The following FSTL4 variants were observed in gnomAD, a reference collection of about 807,000 sequenced individuals.
The protein encoded by FSTL4 is follistatin-related protein 4.
In FSTL4, 28 loss-of-function variants were observed where a neutral mutation model predicts 78.2. The observed-to-expected ratio is 0.36, with a 90% CI of 0.27 to 0.49. The LOEUF (loss-of-function observed/expected upper bound fraction) is 0.49. FSTL4 is among the 20% of genes least tolerant of loss of function. The probability of loss-of-function intolerance (pLI) is 0.98; values close to 1 mark genes in which losing one functional copy is unlikely to be tolerated. For synonymous variants in FSTL4, 422 were observed against 440.5 expected, an observed-to-expected ratio of 0.96 and a Z score of 0.53; for missense variants, 922 against 1,084.9, an observed-to-expected ratio of 0.85 and a Z score of 2.11.
the FSTL4 span, among the ~76,000 whole-genome samples, chr5:133,642,520 C>T: frequency 1.3e-5 from 2 of 152,172 alleles, no homozygotes; most frequent in African/African-American, 4.8e-5. Flanking sequence ...GATACATGAT[C>T]CTTAACTTTT....
the FSTL4 span, among the ~76,000 whole-genome samples, chr5:133,701,304 G>A: frequency 6.6e-6 from 1 of 151,802 alleles, no homozygotes; most frequent in Non-Finnish European, 1.5e-5. Flanking sequence ...TCCAGTGGCT[G>A]GGGCAGGAGA....
chr5:133,290,049 C>G (rs1308475968), intron 6 of FSTL4, among the ~76,000 whole-genome samples: 1 of 152,124 alleles, frequency 6.6e-6, no homozygotes, highest in African/African-American at 2.4e-5. Context: ...GAGAGAGTGG[C>G]CAAGATCAAG....
chr5:133,515,688 T>A (rs10479043), intron 3 of FSTL4, among the ~76,000 whole-genome samples: 2,238 of 148,016 alleles, frequency 0.015, 45 homozygotes, highest in African/African-American at 0.043. Flanking sequence ...TTTTTTTTTT[T>A]AAAAAAAAGC....
the FSTL4 span, among the ~76,000 whole-genome samples, chr5:133,713,005 G>C: frequency 1.3e-5 from 2 of 152,110 alleles, no homozygotes; most frequent in African/African-American, 4.8e-5. Context: ...ACTCTTGACA[G>C]CATAACCAAA....
chr5:133,647,016 G>A, the FSTL4 span, among the ~76,000 whole-genome samples: 35 of 152,144 alleles, frequency 2.3e-4, 1 homozygote, highest in South Asian at 8.3e-4. Context: ...ATAAGGAGCA[G>A]AGAAAAACCA....
chr5:133,764,526 T>A, the FSTL4 span, among the ~76,000 whole-genome samples: 1 of 152,000 alleles, frequency 6.6e-6, no homozygotes, highest in East Asian at 1.9e-4. Flanking sequence ...TCCTTGCAAA[T>A]CCAAAGAAAA....
the FSTL4 span, among the ~76,000 whole-genome samples, chr5:133,692,907 C>G: frequency 2.0e-5 from 3 of 152,224 alleles, no homozygotes; most frequent in Non-Finnish European, 1.5e-5. Context: ...GCCTCTGCTG[C>G]ACTGTGTACC....
chr5:133,377,498 G>A (rs2126949765), intron 4 of FSTL4, among the ~76,000 whole-genome samples: 1 of 152,304 alleles, frequency 6.6e-6, no homozygotes, highest in South Asian at 2.1e-4. Flanking sequence ...GGAAGTTTGA[G>A]CCTAAAAGTA....
chr5:133,354,046 C>T (rs1158486151), intron 4 of FSTL4, among the ~76,000 whole-genome samples: 2 of 152,204 alleles, frequency 1.3e-5, no homozygotes, highest in East Asian at 1.9e-4. Flanking sequence ...GAGCTGCATC[C>T]GGTCTTAATT....
chr5:133,230,512 C>T (rs1354121496), intron 8 of FSTL4, among the ~76,000 whole-genome samples: 1 of 152,188 alleles, frequency 6.6e-6, no homozygotes, highest in Admixed American at 6.5e-5. Flanking sequence ...TCTCCATTAG[C>T]AGGGGCAAAA....
chr5:133,246,115 G>A (rs1441590505), intron 7 of FSTL4, among the ~76,000 whole-genome samples: 2 of 152,120 alleles, frequency 1.3e-5, no homozygotes, highest in African/African-American at 4.8e-5. Context: ...TGATCTCCCC[G>A]CCTTGGGTTT....
chr5:133,526,729 G>C (rs1420813405), intron 3 of FSTL4, among the ~76,000 whole-genome samples: 1 of 152,146 alleles, frequency 6.6e-6, no homozygotes, highest in South Asian at 2.1e-4. Flanking sequence ...AGCTGGGGAT[G>C]AGGACTTTGA....
chr5:133,538,925 C>G (rs1004524843), intron 3 of FSTL4, among the ~76,000 whole-genome samples: 3 of 152,134 alleles, frequency 2.0e-5, no homozygotes, highest in African/African-American at 7.2e-5. Flanking sequence ...CTCTCTTTCT[C>G]TTCGTGTGGC....
chr5:133,625,792 T>TATATATTCCATATATATATTCC, the FSTL4 span, among the ~76,000 whole-genome samples: 1 of 42,002 alleles, frequency 2.4e-5, no homozygotes, highest in Non-Finnish European at 4.3e-5. Context: ...ATTCCATATA[T>TATATATTCCATATATATATTCC]ATATATATTC....
the FSTL4 span, among the ~76,000 whole-genome samples, chr5:133,665,148 C>T: frequency 6.6e-6 from 1 of 152,156 alleles, no homozygotes; most frequent in Non-Finnish European, 1.5e-5. Context: ...GACTAAGACC[C>T]CCAAAAGTAT....
At chr5:133,434,487 C>T (rs1228197310) in intron 3 of FSTL4, among the ~76,000 whole-genome samples, 1 of 152,124 alleles carries the variant, frequency 6.6e-6, no homozygotes, top group Non-Finnish European at 1.5e-5. Context: ...TCATATGGGG[C>T]ACACCATATT....
chr5:133,303,122 T>C (rs1259093654), intron 6 of FSTL4, among the ~76,000 whole-genome samples: 1 of 152,238 alleles, frequency 6.6e-6, no homozygotes. Context: ...CGTCTTTGCA[T>C]ACACTCATTA....
intron 3 of FSTL4, among the ~76,000 whole-genome samples, chr5:133,412,070 A>G (rs972555947): frequency 6.6e-6 from 1 of 152,192 alleles, no homozygotes. Context: ...AGATTGGAAC[A>G]TTGCTTATTC....
At chr5:133,363,430 TTTC>T (rs933064427) in intron 4 of FSTL4, among the ~76,000 whole-genome samples, 14 of 152,040 alleles carry the variant, frequency 9.2e-5, no homozygotes, top group Non-Finnish European at 1.5e-4. Context: ...CTTAATGACT[TTTC>T]TTCTTCTACT....
Sources: allele counts gnomAD v4.1 joint callset (sites outside exome capture counted in the v4.1 genomes callset), GRCh38; gene constraint gnomAD v4.1.1; transcripts MANE v1.5; gene names NCBI Gene and HGNC (gene_info 2026-07-23, HGNC 2026-07-21).